Variants in CREB5 observed in about 807,000 individuals in gnomAD.
CREB5 encodes the protein cyclic AMP-responsive element-binding protein 5.
CREB5 carries 19 observed loss-of-function variants against 57.1 expected under a neutral mutation model. The observed-to-expected ratio is 0.33, with a 90% CI of 0.23 to 0.49. The LOEUF (loss-of-function observed/expected upper bound fraction) is 0.49. Ranked by LOEUF, CREB5 falls within the 20% of genes least tolerant of loss-of-function variation. CREB5 has a pLI of 0.99. For missense variants in CREB5, 579 were observed against 671.6 expected (o/e 0.86, Z 1.52); for synonymous variants, 238 against 238.3 (o/e 1.00, Z 0.01).
intron 1 of CREB5, among the ~76,000 whole-genome samples, chr7:28,347,817 C>A (rs1018665895): frequency 1.3e-5 from 2 of 152,140 alleles, no homozygotes; most frequent in East Asian, 1.9e-4. Context: ...CTTTAAAAAA[C>A]GTGGTTATTT....
chr7:28,410,010 A>G (rs1167535227), upstream of CREB5: 2 of 452,424 alleles, frequency 4.4e-6, no homozygotes, highest in Non-Finnish European at 8.9e-6. Flanking sequence ...GAACCCCCGG[A>G]GAAAGTTTGC....
chr7:28,799,803 T>C (rs1416815840), intron 7 of CREB5, among the ~76,000 whole-genome samples: 4 of 152,202 alleles, frequency 2.6e-5, no homozygotes, highest in Non-Finnish European at 5.9e-5. Context: ...GTAAACTGTT[T>C]TGACTGTACT....
chr7:28,617,632 A>G (rs1253002151), intron 5 of CREB5, among the ~76,000 whole-genome samples: 1 of 152,234 alleles, frequency 6.6e-6, no homozygotes, highest in Non-Finnish European at 1.5e-5. Flanking sequence ...AGTTTCACCC[A>G]GTTCTTATTC....
chr7:28,578,959 C>T (rs371219409), intron 5 of CREB5, among the ~76,000 whole-genome samples: 3 of 152,208 alleles, frequency 2.0e-5, no homozygotes, highest in East Asian at 3.9e-4. Flanking sequence ...TAAAGGGAAT[C>T]CTTGATATTA....
At position 28,586,260 on chromosome 7, in the gene CREB5, A is replaced by AC. The variant is rs113961649; in HGVS notation, c.464+15727dup. ...TGTTTCTCTAGAGCCCTGATGAAAG[A>AC]CCCCTCAGTGAGTGTGGTGGCTGCC... On this transcript the variant is annotated intron_variant, in intron 5 of 10. Transcript: ENST00000357727. Among the ~76,000 whole-genome samples, 14 of 152,150 alleles carry AC rather than the reference A, an allele frequency of 9.2e-5. 1 individual carries two copies. Among genetic ancestry groups the AC allele is most frequent in the African/African-American group, 3.4e-4 (14 of 41,510 alleles).
intron 4 of CREB5, among the ~76,000 whole-genome samples, chr7:28,508,005 T>C (rs932144961): frequency 6.6e-6 from 1 of 152,180 alleles, no homozygotes; most frequent in African/African-American, 2.4e-5. Context: ...GCAAACCTTT[T>C]GTGAGCAGTG....
intron 5 of CREB5, among the ~76,000 whole-genome samples, chr7:28,601,069 TA>T (rs1009921887): frequency 3.9e-5 from 6 of 152,190 alleles, no homozygotes; most frequent in African/African-American, 1.4e-4. Flanking sequence ...AAGGAGTATG[TA>T]AAATTCTCAA....
chr7:28,585,086 T>A (rs929686116), intron 5 of CREB5, among the ~76,000 whole-genome samples: 2 of 152,218 alleles, frequency 1.3e-5, no homozygotes, highest in African/African-American at 4.8e-5. Flanking sequence ...AACATCCACT[T>A]TGAGGCAAAC....
chr7:28,560,931 T>TGCGTGCGTGC (rs1467935536), intron 4 of CREB5, among the ~76,000 whole-genome samples: 1 of 48,532 alleles, frequency 2.1e-5, no homozygotes, highest in African/African-American at 1.2e-4. Context: ...TGCGCGTGCG[T>TGCGTGCGTGC]GTGTGCGTGC....
chr7:28,648,442 G>C (rs1237351906), intron 5 of CREB5, among the ~76,000 whole-genome samples: 1 of 152,068 alleles, frequency 6.6e-6, no homozygotes, highest in Non-Finnish European at 1.5e-5. Context: ...GGAATAGGAA[G>C]ATGATAACTT....
intron 1 of CREB5, among the ~76,000 whole-genome samples, chr7:28,354,845 T>C (rs1474852526): frequency 6.6e-6 from 1 of 152,170 alleles, no homozygotes; most frequent in Non-Finnish European, 1.5e-5. Flanking sequence ...ACTAGGAGGC[T>C]GTGTAAGAAG....
At chr7:28,461,415 C>CT (rs71555744) in intron 1 of CREB5, among the ~76,000 whole-genome samples, 39,872 of 151,852 alleles carry the variant, frequency 0.26, 6,599 homozygotes, top group African/African-American at 0.47. Context: ...TGATGGGTAT[C>CT]TTTTTTAGCA....
intron 4 of CREB5, among the ~76,000 whole-genome samples, chr7:28,534,326 G>A (rs1003221531): frequency 1.2e-4 from 18 of 152,286 alleles, no homozygotes; most frequent in African/African-American, 3.8e-4. Flanking sequence ...GGCAATAGAT[G>A]CTCTGGCCTC....
chr7:28,551,773 C>T (rs1367032377), intron 4 of CREB5, among the ~76,000 whole-genome samples: 1 of 152,142 alleles, frequency 6.6e-6, no homozygotes, highest in African/African-American at 2.4e-5. Flanking sequence ...CTCCTAAAAC[C>T]TGCGTAGGAC....
chr7:28,431,981 C>CTTT (rs142344867), intron 1 of CREB5, among the ~76,000 whole-genome samples: 1 of 137,928 alleles, frequency 7.3e-6, no homozygotes, highest in Non-Finnish European at 1.5e-5. Flanking sequence ...AACAGCTATG[C>CTTT]CTTTTTTTTT....
At chr7:28,528,726 A>AG (rs1385632935) in intron 4 of CREB5, among the ~76,000 whole-genome samples, 3 of 150,328 alleles carry the variant, frequency 2.0e-5, no homozygotes, top group East Asian at 3.9e-4. Flanking sequence ...AAAAAAAAAA[A>AG]AAGAGCGTGA....
intron 1 of CREB5, among the ~76,000 whole-genome samples, chr7:28,344,529 A>G (rs1362191506): frequency 1.3e-5 from 2 of 152,140 alleles, no homozygotes; most frequent in Non-Finnish European, 2.9e-5. Context: ...TGCTAGTACT[A>G]TGTTGTTTTG....
intron 5 of CREB5, among the ~76,000 whole-genome samples, chr7:28,690,155 C>T (rs1442604150): frequency 6.6e-6 from 1 of 152,142 alleles, no homozygotes; most frequent in Non-Finnish European, 1.5e-5. Flanking sequence ...GTGACAGTGA[C>T]TGTGTTTTAC....
At chr7:28,623,209 A>G (rs1285790844) in intron 5 of CREB5, among the ~76,000 whole-genome samples, 1 of 152,172 alleles carries the variant, frequency 6.6e-6, no homozygotes, top group East Asian at 1.9e-4. Flanking sequence ...AGGAGGATGC[A>G]TGGAATGGCA....
Sources: allele counts gnomAD v4.1 joint callset (sites outside exome capture counted in the v4.1 genomes callset), GRCh38; gene constraint gnomAD v4.1.1; transcripts MANE v1.5; gene names NCBI Gene and HGNC (gene_info 2026-07-23, HGNC 2026-07-21).